Variants in ENKD1 observed in about 807,000 individuals in gnomAD.
ENKD1 encodes enkurin domain-containing protein 1.
ENKD1 carries 39 observed loss-of-function variants against 35.8 expected under a neutral mutation model. The observed-to-expected ratio is 1.09, with a 90% confidence interval of 0.84 to 1.42. The LOEUF (loss-of-function observed/expected upper bound fraction) is 1.42. Ranked by LOEUF, ENKD1 falls within the 40% of genes most tolerant of loss-of-function variation. ENKD1 has a pLI of 0.00. For missense variants in ENKD1, 474 were observed against 471.3 expected (o/e 1.01, Z -0.05); for synonymous variants, 205 against 198.6 (o/e 1.03, Z -0.27).
In ENKD1 at chr16:67,663,467, C is replaced by T. The variant is rs144134135; in HGVS notation, c.833G>A (p.Arg278His). ...TTCCAGCCGCTGGTTCTCAGGCATG[C>T]GCGTGTGGCCTGGGGGCATGGCAGG... Reference protein sequence around the residue: ...PDPAMPPGHTRMPENQRLETL... With the variant: ...PDPAMPPGHTHMPENQRLETL... Residue 278 changes from arginine to histidine, a missense_variant, in exon 6 of 7, where the codon CGC becomes CAC. Transcript: ENST00000243878. The T allele has an allele frequency of 7.1e-5, 115 of 1,613,122 alleles. No individual in the cohort carries two copies. Among genetic ancestry groups the T allele is most frequent in the Non-Finnish European group, 9.2e-5 (109 of 1,179,940 alleles).
intron 2 of ENKD1, among the ~76,000 whole-genome samples, 179 bp from the exon 3 acceptor site, chr16:67,665,347 G>T (rs1445638174): frequency 6.6e-6 from 1 of 152,014 alleles, no homozygotes. Context: ...CATGTAGTAA[G>T]TATCACAGGA....
chr16:67,666,585 G>T lies in ENKD1; in HGVS notation c.-143C>A, dbSNP rs959980987. The T allele has an allele frequency of 1.9e-5, 14 of 748,370 alleles. No individual in the cohort carries two copies. The highest frequency in any genetic ancestry group is 2.8e-5 in the Non-Finnish European group (14 of 507,816). The allele number at this position is 748,370 out of a possible 1,614,324, so 46.4% of individuals were successfully genotyped here. A position where few individuals can be genotyped will look rare whatever the true frequency, so the allele number is the denominator to read the frequency against. On this transcript the variant is annotated 5_prime_UTR_variant, in exon 1 of 7. Transcript: ENST00000243878. The stretch of plus-strand genomic sequence containing the variant: ...TGCCCGCCACTCCCGGGCCCCTGCC[G>T]GTCCCCGCCTGGGCCCCGGCCTCGC...
At position 67,666,417 on chromosome 16, in the gene ENKD1, G is replaced by A; in HGVS notation, c.26C>T (p.Ser9Leu). 1 of 1,549,920 alleles carries A rather than the reference G, an allele frequency of 6.5e-7. No homozygotes were observed. The highest frequency in any genetic ancestry group is 8.6e-7 in the Non-Finnish European group (1 of 1,156,624). MCEGPSRISGPIPPDPTLC... is the reference protein window; with the variant it reads MCEGPSRILGPIPPDPTLC... ...CGTCGGGTCTGGGGGGATGGGCCCC[G>A]AGATGCGGGACGGGCCCTCGCACAT... Residue 9 changes from serine to leucine, a missense_variant, in exon 1 of 7, where the codon TCG becomes TTG. Coordinates refer to ENST00000243878, the MANE Select transcript of ENKD1 (RefSeq NM_032140.3).
rs150335405 is a variant in ENKD1 at position 67,666,252 on chromosome 16, G to C, written c.99C>G (p.Leu33=). ...AGTCCAGCTTCAGCGCGTTTCCCTCGAGGCGCCCTTGAGCTGTGGGGCGGA... is the reference window on the plus strand; with the variant it reads ...AGTCCAGCTTCAGCGCGTTTCCCTCCAGGCGCCCTTGAGCTGTGGGGCGGA... ...YRRPTSAQGR[L]EGNALKLDLL... is the part of the protein sequence containing the mutation. Residue 33 remains leucine, a synonymous_variant, in exon 2 of 7, where the codon CTC becomes CTG. Coordinates refer to ENST00000243878, the MANE Select transcript of ENKD1 (RefSeq NM_032140.3). The C allele has an allele frequency of 0.013, 20,543 of 1,604,110 alleles. 179 individuals carry two copies. The highest frequency in any genetic ancestry group is 0.015 in the Non-Finnish European group (17,396 of 1,174,996).
At position 67,663,630 on chromosome 16, in the gene ENKD1, C is replaced by T. The variant is rs755353862; in HGVS notation, c.743+27G>A. ...TCCCACCCTCCACAGGTGTCCTTCA[C>T]CCTGAGTGTCGGGCAGTGAGACCTA... On this transcript the variant is annotated intron_variant, in intron 5 of 6. Coordinates refer to ENST00000243878, the MANE Select transcript of ENKD1 (RefSeq NM_032140.3). 40 of 1,605,058 alleles carry T rather than the reference C, an allele frequency of 2.5e-5. 1 individual carries two copies. In the South Asian group the frequency reaches 4.2e-4, roughly 17 times the overall value.
intron 3 of ENKD1, chr16:67,664,587 C>T (rs1354568454): frequency 6.4e-6 from 2 of 313,376 alleles, no homozygotes; most frequent in Admixed American, 4.9e-5. Context: ...CAGAGCCCCC[C>T]ACCATACCCC....
intron 2 of ENKD1, among the ~76,000 whole-genome samples, chr16:67,665,694 T>C (rs1007960134): frequency 5.3e-5 from 8 of 152,194 alleles, no homozygotes; most frequent in Non-Finnish European, 1.2e-4. Flanking sequence ...AAGTACACCA[T>C]TGAAGTACAC....
chr16:67,665,783 T>C (rs2053092465), intron 2 of ENKD1, among the ~76,000 whole-genome samples: 2 of 152,226 alleles, frequency 1.3e-5, no homozygotes, highest in South Asian at 4.1e-4. Flanking sequence ...ATGCTTATCT[T>C]CAGCCCTGTG....
rs1411406000 is a variant in ENKD1, at chr16:67,666,156, C to T, written c.195G>A (p.Glu65=). The T allele has an allele frequency of 6.2e-7, 1 of 1,612,750 alleles. No individual in the cohort carries two copies. The highest frequency in any genetic ancestry group is 1.1e-5 in the South Asian group (1 of 91,076). The part of the protein sequence containing the change: ...RGPCIGPGAG[E]ILERGQRGVG... ...CGCCGCGCTGGCCGCGCTCCAGGAT[C>T]TCTCCGGCACCGGGACCGATGCAGG... The change falls in exon 2 of 7, where the codon GAG becomes GAA. Residue 65 remains glutamate, a synonymous_variant. Transcript: ENST00000243878.
In ENKD1 at chr16:67,666,472, C is replaced by G. The variant is rs1284011516; in HGVS notation, c.-30G>C. ...CCGGCGCCGCCCAGCAACGGTGCCCCGAGGCCTGCAGGGCTGTTTACCTCC... is the reference window on the plus strand; with the variant it reads ...CCGGCGCCGCCCAGCAACGGTGCCCGGAGGCCTGCAGGGCTGTTTACCTCC... On this transcript the variant is annotated 5_prime_UTR_variant, in exon 1 of 7. Transcript: ENST00000243878. 1 of 1,481,726 alleles carries G rather than the reference C, an allele frequency of 6.7e-7. No homozygotes were observed. The allele number at this position is 1,481,726 out of a possible 1,614,324, so 91.8% of individuals were successfully genotyped here.
In ENKD1 at chr16:67,665,158, A is replaced by C. The variant is rs749393652; in HGVS notation, c.291T>G (p.Pro97=). 6.2e-7 allele frequency: 1 copy of C among 1,612,388 alleles called. No homozygotes were observed. The highest frequency in any genetic ancestry group is 1.1e-5 in the South Asian group (1 of 90,908). ...GPGASLKRKD[P]KDHEKENLRR... ...TCAGGTTCTCCTTCTCATGGTCCTT[A>C]GGGTCCTTCCCTGGAGAAAAGATGC... Residue 97 remains proline, a synonymous_variant, in exon 3 of 7, where the codon CCT becomes CCG. Transcript: ENST00000243878.
At position 67,666,360 on chromosome 16, in the gene ENKD1, G is replaced by C; in HGVS notation, c.83C>G (p.Ser28Trp). ...CACCGCCAAGCCCCCGGACTCACCC[G>C]AGGTCGGCCGCCTGTAGTTGTCAGG... ...LCPDNYRRPT[S>W]AQGRLEGNAL... is the part of the protein sequence containing the mutation. Residue 28 changes from serine to tryptophan, a missense_variant and splice_region_variant, in exon 1 of 7, where the codon TCG (serine) becomes TGG (tryptophan). Ser to Trp is a radical substitution (Grantham distance 177, BLOSUM62 -3). Transcript: ENST00000243878. The C allele has an allele frequency of 6.3e-7, 1 of 1,578,618 alleles. No individual in the cohort carries two copies. Among genetic ancestry groups the C allele is most frequent in the East Asian group, 2.3e-5 (1 of 43,046 alleles).
At chr16:67,664,264 T>C (rs2053071683) in intron 3 of ENKD1, 1 of 674,066 alleles carries the variant, frequency 1.5e-6, no homozygotes, top group Non-Finnish European at 2.7e-6. Context: ...CATCTCTCCT[T>C]CCACCTCAGT....
chr16:67,666,519 ACCCCGGGCCCCCTCCCTCG>A lies in ENKD1; in HGVS notation c.-96_-78del. ...CTCCCTCCCCGGGCCCCCTTCCCCA[ACCCCGGGCCCCCTCCCTCG>A]CCCGGCACCCTGACCCTGGCGTGCC... On this transcript the variant is annotated 5_prime_UTR_variant, in exon 1 of 7. Transcript: ENST00000243878. The A allele has an allele frequency of 3.3e-6, 4 of 1,224,906 alleles. No individual in the cohort carries two copies. Among genetic ancestry groups the A allele is most frequent in the Non-Finnish European group, 4.2e-6 (4 of 956,828 alleles). 75.9% of individuals were successfully genotyped at this position (1,224,906 alleles called of 1,614,324 possible). A position where few individuals can be genotyped will look rare whatever the true frequency, so the allele number is the denominator to read the frequency against.
In ENKD1 at chr16:67,663,825, A is replaced by G. The variant is rs200396232; in HGVS notation, c.580-5T>C. ...GTCCACCCCCAGGCCTGGCTCCTGC[A>G]GGACACAGCAAGCGTGGGTGGGGGC... On this transcript the variant is annotated splice_polypyrimidine_tract_variant and splice_region_variant and intron_variant, in intron 4 of 6. Coordinates refer to ENST00000243878, the MANE Select transcript of ENKD1 (RefSeq NM_032140.3). The G allele has an allele frequency of 4.0e-4, 639 of 1,604,726 alleles. No individual in the cohort carries two copies. Among genetic ancestry groups the G allele is most frequent in the Non-Finnish European group, 4.9e-4 (575 of 1,175,382 alleles).
At position 67,666,205 on chromosome 16, in the gene ENKD1, A is replaced by C. The variant is rs1312530406; in HGVS notation, c.146T>G (p.Leu49Arg). 1 of 1,610,296 alleles carries C rather than the reference A, an allele frequency of 6.2e-7. No homozygotes were observed. Among genetic ancestry groups the C allele is most frequent in the Non-Finnish European group, 8.5e-7 (1 of 1,178,440 alleles). Reference protein sequence around the residue: ...KLDLLTSDRALDTTAPRGPCI... With the variant: ...KLDLLTSDRARDTTAPRGPCI... ...GGGGCCACGGGGAGCGGTGGTGTCCAGGGCCCGGTCGGAAGTCAGCAAGTC... is the reference window on the plus strand; with the variant it reads ...GGGGCCACGGGGAGCGGTGGTGTCCCGGGCCCGGTCGGAAGTCAGCAAGTC... Residue 49 changes from leucine (L) to arginine (R), a missense_variant, in exon 2 of 7, where the codon CTG becomes CGG. Physicochemically the swap from Leu to Arg is moderately radical, Grantham distance 102 (BLOSUM62 -2). Transcript: ENST00000243878.
chr16:67,665,967 A>G, intron 2 of ENKD1, 104 bp downstream of exon 2: 1 of 1,246,152 alleles, frequency 8.0e-7, no homozygotes, highest in Non-Finnish European at 1.1e-6. Flanking sequence ...GAGACTCAAG[A>G]GATGCAAAGC....
At position 67,664,000 on chromosome 16, in the gene ENKD1, G is replaced by A. The variant is rs2053067722; in HGVS notation, c.516C>T (p.Gly172=). 4 of 1,583,428 alleles carry A rather than the reference G, an allele frequency of 2.5e-6. No individual in the cohort carries two copies. Among genetic ancestry groups the A allele is most frequent in the South Asian group, 1.1e-5 (1 of 86,994 alleles). ...AHFLRAHSRC[G]PGLPPPHVSS... ...ATACATGGGGTGGTGGGAGGCCAGG[G>A]CCGCAGCGGGAGTGCGCCCGCAGGA... Residue 172 remains glycine (G), a synonymous_variant, in exon 4 of 7, where the codon GGC becomes GGT. Coordinates refer to ENST00000243878, the MANE Select transcript of ENKD1 (RefSeq NM_032140.3).
intron 1 of ENKD1, 31 bp downstream of exon 1, chr16:67,666,327 C>T: frequency 1.1e-5 from 17 of 1,587,080 alleles, no homozygotes; most frequent in Non-Finnish European, 1.4e-5. Flanking sequence ...GACCCCTGAG[C>T]CTCGCACCAC....
Sources: gnomAD v4.1 joint callset for allele counts (sites outside exome capture counted in the v4.1 genomes callset) on GRCh38, gnomAD v4.1.1 for gene constraint, MANE v1.5 for transcripts, NCBI Gene and HGNC (gene_info 2026-07-23, HGNC 2026-07-21) for gene names.